The following KCNIP4 variants were observed in gnomAD, a reference collection of about 807,000 sequenced individuals.
The protein encoded by KCNIP4 is Kv channel-interacting protein 4.
In KCNIP4, 12 loss-of-function variants were observed where a neutral mutation model predicts 34.0. The observed-to-expected ratio is 0.35, with a 90% confidence interval of 0.23 to 0.57. The LOEUF (loss-of-function observed/expected upper bound fraction) is 0.57. Ranked by LOEUF, KCNIP4 falls within the 20% of genes least tolerant of loss-of-function variation. The pLI is 0.83. For missense variants in KCNIP4, 238 were observed against 311.7 expected, an observed-to-expected ratio of 0.76 and a Z score of 1.78; for synonymous variants, 124 against 102.2, an observed-to-expected ratio of 1.21 and a Z score of -1.29.
At position 21,723,194 on chromosome 4, in the gene KCNIP4, T is replaced by C. The variant is rs951000196; in HGVS notation, c.61+225377A>G. On this transcript the variant is annotated intron_variant, in intron 1 of 8. Coordinates refer to ENST00000382152, the MANE Select transcript of KCNIP4 (RefSeq NM_025221.6). Reference sequence around the variant, plus strand: ...AGTTCTTCGGGCATGTGGACTCAGATTTCACTTACTAAAAACAAAACAACA... The same window carrying C: ...AGTTCTTCGGGCATGTGGACTCAGACTTCACTTACTAAAAACAAAACAACA... Among the ~76,000 whole-genome samples the C allele has an allele frequency of 2.0e-5, 3 of 152,222 alleles. No homozygotes were observed. In the South Asian group the frequency reaches 6.2e-4, roughly 32 times the overall value.
intron 1 of KCNIP4, among the ~76,000 whole-genome samples, chr4:21,201,049 T>C (rs2108954304): frequency 6.6e-6 from 1 of 152,282 alleles, no homozygotes; most frequent in East Asian, 1.9e-4. Flanking sequence ...GCCAGACCTA[T>C]TTTATTCAAA....
chr4:20,784,386 T>A (rs1711636381), intron 3 of KCNIP4, among the ~76,000 whole-genome samples: 1 of 152,180 alleles, frequency 6.6e-6, no homozygotes, highest in Non-Finnish European at 1.5e-5. Context: ...GATAACAGTC[T>A]ATGAAGACAA....
At chr4:21,305,977 A>C (rs1712422559) in intron 1 of KCNIP4, among the ~76,000 whole-genome samples, 1 of 152,222 alleles carries the variant, frequency 6.6e-6, no homozygotes, top group Non-Finnish European at 1.5e-5. Flanking sequence ...GGCAGAGATC[A>C]TGCCTTGCTA....
chr4:21,517,098 T>C (rs1205024096), intron 1 of KCNIP4, among the ~76,000 whole-genome samples: 2 of 152,024 alleles, frequency 1.3e-5, no homozygotes, highest in East Asian at 1.9e-4. Context: ...TGAAGAACAA[T>C]GGAAATTCTA....
intron 1 of KCNIP4, among the ~76,000 whole-genome samples, chr4:21,272,177 T>C (rs985415637): frequency 1.3e-5 from 2 of 152,170 alleles, no homozygotes; most frequent in African/African-American, 4.8e-5. Context: ...TTAACCTCTC[T>C]GCCTTCGTTT....
chr4:21,052,576 T>C (rs1743023028), intron 1 of KCNIP4, among the ~76,000 whole-genome samples: 1 of 152,082 alleles, frequency 6.6e-6, no homozygotes, highest in Non-Finnish European at 1.5e-5. Flanking sequence ...TGCAGAAAAA[T>C]TTCCTGAAGG....
intron 1 of KCNIP4, chr4:21,847,308 G>C (rs1376484865): frequency 1.3e-5 from 2 of 152,028 alleles, no homozygotes; most frequent in Non-Finnish European, 2.9e-5. Context: ...TTCAAAAGAA[G>C]ACCAGACTAG....
intron 1 of KCNIP4, among the ~76,000 whole-genome samples, chr4:21,895,119 C>A (rs1283738989): frequency 6.6e-6 from 1 of 152,212 alleles, no homozygotes; most frequent in African/African-American, 2.4e-5. Flanking sequence ...TTTTGTGGGA[C>A]ATCTTTGATA....
chr4:20,749,771 T>G, intron 4 of KCNIP4, 39 bp from the exon 5 acceptor site: 2 of 1,387,654 alleles, frequency 1.4e-6, no homozygotes, highest in Non-Finnish European at 2.0e-6. Flanking sequence ...AGTCAGTGTT[T>G]CCATATCCTA....
intron 1 of KCNIP4, among the ~76,000 whole-genome samples, chr4:21,479,909 A>G (rs1400362659): frequency 2.0e-5 from 3 of 151,844 alleles, no homozygotes; most frequent in Non-Finnish European, 4.4e-5. Flanking sequence ...AGAATCATTT[A>G]AGAAGTGAGA....
intron 1 of KCNIP4, among the ~76,000 whole-genome samples, chr4:21,257,706 T>C (rs1191276685): frequency 1.3e-5 from 2 of 150,018 alleles, no homozygotes; most frequent in South Asian, 2.1e-4. Flanking sequence ...GCCGAGATCA[T>C]GCCATTGTAC....
At chr4:21,049,454 A>G (rs1369519839) in intron 1 of KCNIP4, among the ~76,000 whole-genome samples, 1 of 152,150 alleles carries the variant, frequency 6.6e-6, no homozygotes, top group Non-Finnish European at 1.5e-5. Context: ...TGCATGTTCA[A>G]CCCCAGTACC....
chr4:20,981,059 T>C (rs984654641), intron 1 of KCNIP4, among the ~76,000 whole-genome samples: 16 of 152,214 alleles, frequency 1.1e-4, no homozygotes, highest in African/African-American at 3.9e-4. Context: ...GCTTAGACAA[T>C]GTCATAGTCT....
intron 3 of KCNIP4, among the ~76,000 whole-genome samples, chr4:20,782,788 GCT>G (rs947848715): frequency 2.6e-5 from 4 of 152,154 alleles, no homozygotes; most frequent in Admixed American, 1.3e-4. Flanking sequence ...TTAACATTCA[GCT>G]CCTCATTACT....
intron 1 of KCNIP4, among the ~76,000 whole-genome samples, chr4:21,202,135 C>T (rs1235524860): frequency 2.0e-5 from 3 of 152,112 alleles, no homozygotes; most frequent in Admixed American, 1.3e-4. Context: ...CAAAGGAAAA[C>T]AAATAATTCT....
chr4:21,651,848 T>G (rs569589531), intron 1 of KCNIP4, among the ~76,000 whole-genome samples: 130 of 152,282 alleles, frequency 8.5e-4, no homozygotes, highest in Admixed American at 1.4e-3. Context: ...TTTATGTATA[T>G]AGAGCTACAG....
intron 1 of KCNIP4, among the ~76,000 whole-genome samples, chr4:20,943,055 T>C (rs1457061336): frequency 6.6e-6 from 1 of 152,338 alleles, no homozygotes; most frequent in African/African-American, 2.4e-5. Flanking sequence ...TATGTTTGAT[T>C]AAGAATGCAT....
rs1225828754 is a variant in KCNIP4, at chr4:21,317,166, G to A, written c.62-434457C>T. Among the ~76,000 whole-genome samples, 4 of 152,126 alleles carry A rather than the reference G, an allele frequency of 2.6e-5. No homozygotes were observed. The East Asian group carries it at 5.8e-4, about 22-fold the overall frequency. ...GGGAAAACTTGGCAACTGGTATGGA[G>A]TATCAAGTATTTCAAATAGTTTTTA... On this transcript the variant is annotated intron_variant, in intron 1 of 8. Coordinates refer to ENST00000382152, the MANE Select transcript of KCNIP4 (RefSeq NM_025221.6).
intron 1 of KCNIP4, among the ~76,000 whole-genome samples, chr4:21,105,394 G>C (rs1748421819): frequency 6.6e-6 from 1 of 151,584 alleles, no homozygotes; most frequent in Non-Finnish European, 1.5e-5. Context: ...TTGGCTCTCT[G>C]TTTGTCTGTT....
Sources: gnomAD v4.1 joint callset for allele counts (sites outside exome capture counted in the v4.1 genomes callset) on GRCh38, gnomAD v4.1.1 for gene constraint, MANE v1.5 for transcripts, NCBI Gene and HGNC (gene_info 2026-07-23, HGNC 2026-07-21) for gene names.